NCOA7: variants seen among roughly 807,000 people sequenced by gnomAD.
NCOA7 encodes the protein nuclear receptor coactivator 7.
NCOA7 carries 45 observed loss-of-function variants against 104.3 expected under a neutral mutation model. That is an observed-to-expected ratio of 0.43 (90% CI 0.34 to 0.55). The LOEUF (loss-of-function observed/expected upper bound fraction) is 0.55, where lower values mean the gene tolerates loss of function less well. Among genes scored for constraint, NCOA7 ranks in the 20% least tolerant of loss-of-function variants. The pLI is 0.02. For missense variants in NCOA7, 1,041 were observed against 1,119.7 expected, an observed-to-expected ratio of 0.93 and a Z score of 1.00; for synonymous variants, 398 against 402.3, an observed-to-expected ratio of 0.99 and a Z score of 0.13.
chr6:125,868,018 C>T (rs1268835414), intron 3 of NCOA7, among the ~76,000 whole-genome samples: 2 of 152,170 alleles, frequency 1.3e-5, no homozygotes, highest in Non-Finnish European at 2.9e-5. Context: ...TTCGTATATA[C>T]TCTTTAGCGT....
intron 2 of NCOA7, among the ~76,000 whole-genome samples, chr6:125,833,787 G>C (rs1198693700): frequency 2.0e-5 from 3 of 152,150 alleles, no homozygotes; most frequent in African/African-American, 2.4e-5. Flanking sequence ...TGCTTAGCTG[G>C]TGCAGCTTTA....
rs1788415696 is a variant in NCOA7, at chr6:125,930,704, A to G, written c.*1933A>G. On this transcript the variant is annotated 3_prime_UTR_variant, in exon 16 of 16. Coordinates refer to ENST00000392477, the MANE Select transcript of NCOA7 (RefSeq NM_181782.5). ...TTCCATGCAAATTTAAATGAATGCT[A>G]TAAAATTTTAAATCTGTAGCCTGGG... 1 of 152,252 alleles carries G rather than the reference A, an allele frequency of 6.6e-6. No homozygotes were observed. Among genetic ancestry groups the G allele is most frequent in the African/African-American group, 2.4e-5 (1 of 41,456 alleles). 9.4% of individuals were successfully genotyped at this position (152,252 alleles called of 1,614,324 possible).
intron 10 of NCOA7, among the ~76,000 whole-genome samples, chr6:125,905,910 T>A (rs562094657): frequency 6.6e-6 from 1 of 152,140 alleles, no homozygotes; most frequent in Admixed American, 6.5e-5. Context: ...AAGAAATTCT[T>A]GTGCCTCAGC....
chr6:125,895,157 C>G (rs905039883), intron 10 of NCOA7, among the ~76,000 whole-genome samples: 1 of 151,908 alleles, frequency 6.6e-6, no homozygotes, highest in South Asian at 2.1e-4. Flanking sequence ...TATTTATAGC[C>G]TTTTAATCTC....
At chr6:125,799,814 A>G (rs185963959) in intron 1 of NCOA7, among the ~76,000 whole-genome samples, 1 of 152,196 alleles carries the variant, frequency 6.6e-6, no homozygotes, top group African/African-American at 2.4e-5. Context: ...GCATAGCATT[A>G]TCCACATGCA....
At chr6:125,789,669 CA>C (rs1374971186), upstream of NCOA7, among the ~76,000 whole-genome samples, 1 of 152,186 alleles carries the variant, frequency 6.6e-6, no homozygotes, top group East Asian at 1.9e-4. Flanking sequence ...GTGCTTAGTG[CA>C]AAACTGGGCA....
intron 1 of NCOA7, among the ~76,000 whole-genome samples, chr6:125,799,423 T>C (rs1266199434): frequency 2.0e-5 from 3 of 150,498 alleles, no homozygotes; most frequent in African/African-American, 7.3e-5. Context: ...AATATTGGCT[T>C]ACTTTATTGC....
At chr6:125,826,778 T>A (rs1778695044) in intron 2 of NCOA7, among the ~76,000 whole-genome samples, 1 of 152,130 alleles carries the variant, frequency 6.6e-6, no homozygotes, top group African/African-American at 2.4e-5. Flanking sequence ...ACTGGGTAAT[T>A]TACAATGAAC....
intron 3 of NCOA7, among the ~76,000 whole-genome samples, chr6:125,856,324 T>A (rs1422904567): frequency 6.6e-6 from 1 of 151,238 alleles, no homozygotes; most frequent in Non-Finnish European, 1.5e-5. Flanking sequence ...CAGGAAGACA[T>A]ATGTTTATGT....
chr6:125,824,060 G>T (rs745486425), intron 2 of NCOA7, among the ~76,000 whole-genome samples: 4 of 151,494 alleles, frequency 2.6e-5, no homozygotes, highest in South Asian at 2.1e-4. Flanking sequence ...TGGGAGTGAG[G>T]GTTTTTTTTT....
At chr6:125,815,488 T>C (rs1245808313) in intron 2 of NCOA7, 84 bp downstream of exon 2, 43 of 1,130,806 alleles carry the variant, frequency 3.8e-5, no homozygotes, top group Non-Finnish European at 4.5e-5. Context: ...ACTTCGCATT[T>C]TGTGTTTTGT....
rs57168444 is a variant in NCOA7, at chr6:125,840,868, G to GTTT, written c.51-14112_51-14110dup. Among the ~76,000 whole-genome samples, 31 of 40,372 alleles carry GTTT rather than the reference G, an allele frequency of 7.7e-4. 2 individuals carry two copies. Among genetic ancestry groups the GTTT allele is most frequent in the South Asian group, 1.3e-3 (1 of 800 alleles). 26.5% of individuals were successfully genotyped at this position (40,372 alleles called of 152,430 possible). On this transcript the variant is annotated intron_variant, in intron 2 of 15. Transcript: ENST00000392477. ...TTTTATGGTTTTTTTTGTTTGGTTG[G>GTTT]TTTTTTTTTTTTTTTTTTTTTTTTT...
rs945056668 is a variant in NCOA7, at chr6:125,855,190, A to G, written c.221A>G (p.Asn74Ser). Residue 74 changes from asparagine (N) to serine (S), a missense_variant, in exon 3 of 16, where the codon AAT (asparagine) becomes AGT (serine). Coordinates refer to ENST00000392477, the MANE Select transcript of NCOA7 (RefSeq NM_181782.5). ...GATGAGAAAAAAAAGAGAAAAAGTAATCAGTTAAAGGAGATCAGGCGTACA... is the reference window on the plus strand; with the variant it reads ...GATGAGAAAAAAAAGAGAAAAAGTAGTCAGTTAAAGGAGATCAGGCGTACA... ...MTDEKKKRKS[N>S]QLKEIRRTEL... 6.2e-7 allele frequency: 1 copy of G among 1,612,882 alleles called. No individual in the cohort carries two copies. Among genetic ancestry groups the G allele is most frequent in the African/African-American group, 1.3e-5 (1 of 74,926 alleles).
chr6:125,867,922 G>A (rs949964006), intron 3 of NCOA7, among the ~76,000 whole-genome samples: 2 of 152,128 alleles, frequency 1.3e-5, no homozygotes, highest in African/African-American at 2.4e-5. Flanking sequence ...TCACCAGTGC[G>A]GTGTTTCGGT....
chr6:125,838,250 G>A (rs938774973), intron 2 of NCOA7, among the ~76,000 whole-genome samples: 5 of 152,092 alleles, frequency 3.3e-5, no homozygotes, highest in Non-Finnish European at 5.9e-5. Context: ...GGGGCTCAGG[G>A]CATGGCCAAA....
chr6:125,858,564 G>A (rs995788343), intron 3 of NCOA7, among the ~76,000 whole-genome samples: 15 of 151,862 alleles, frequency 9.9e-5, no homozygotes, highest in African/African-American at 3.4e-4. Flanking sequence ...TTGAGCCCAG[G>A]AGTTGGAAGG....
chr6:125,916,218 C>T (rs1003446419), intron 11 of NCOA7, among the ~76,000 whole-genome samples: 18 of 152,156 alleles, frequency 1.2e-4, no homozygotes, highest in Non-Finnish European at 2.9e-5. Context: ...GCTCTCCTGC[C>T]GCCTTGTGAA....
rs899298878 is a variant in NCOA7 at position 125,929,554 on chromosome 6, A to C, written c.*783A>C. ...AGTGTATAATTCTAAATTTCTAAAA[A>C]CTCATTATGAATGTTCATCAATTTG... On this transcript the variant is annotated 3_prime_UTR_variant, in exon 16 of 16. Transcript: ENST00000392477. 1 of 151,894 alleles carries C rather than the reference A, an allele frequency of 6.6e-6. No individual in the cohort carries two copies. Among genetic ancestry groups the C allele is most frequent in the African/African-American group, 2.4e-5 (1 of 41,354 alleles). The allele number at this position is 151,894 out of a possible 1,614,324, so 9.4% of individuals were successfully genotyped here.
intron 2 of NCOA7, among the ~76,000 whole-genome samples, chr6:125,819,774 T>C (rs1331250694): frequency 6.6e-6 from 1 of 152,232 alleles, no homozygotes; most frequent in African/African-American, 2.4e-5. Flanking sequence ...AAATTTTCTT[T>C]AGTATTGCCA....
Sources: allele counts gnomAD v4.1 joint callset (sites outside exome capture counted in the v4.1 genomes callset), GRCh38; gene constraint gnomAD v4.1.1; transcripts MANE v1.5; gene names NCBI Gene and HGNC (gene_info 2026-07-23, HGNC 2026-07-21).